CACNA2D3: variants seen among roughly 807,000 people sequenced by gnomAD.
The protein encoded by CACNA2D3 is calcium voltage-gated channel auxiliary subunit alpha2delta 3, also known as voltage-dependent calcium channel subunit alpha-2/delta-3.
In CACNA2D3, 60 loss-of-function variants were observed where a neutral mutation model predicts 160.6. The observed-to-expected ratio is 0.37, with a 90% CI of 0.30 to 0.46. The LOEUF (loss-of-function observed/expected upper bound fraction) is 0.46, where lower values mean the gene tolerates loss of function less well. CACNA2D3 is among the 20% of genes least tolerant of loss of function. The pLI, the probability that CACNA2D3 is intolerant of heterozygous loss-of-function variation, is 1.00. For synonymous variants in CACNA2D3, 558 were observed against 492.9 expected (o/e 1.13, Z -1.75); for missense variants, 1,205 against 1,365.0 (o/e 0.88, Z 1.85).
chr3:54,246,164 A>G (rs1303878424), intron 2 of CACNA2D3, among the ~76,000 whole-genome samples: 2 of 152,226 alleles, frequency 1.3e-5, no homozygotes, highest in Non-Finnish European at 2.9e-5. Flanking sequence ...AAATGGCTCG[A>G]AGGAAAAATA....
At chr3:54,470,061 A>G (rs1700702416) in intron 4 of CACNA2D3, among the ~76,000 whole-genome samples, 1 of 152,190 alleles carries the variant, frequency 6.6e-6, no homozygotes, top group Non-Finnish European at 1.5e-5. Context: ...CTAACATTCA[A>G]ATTTAGGAAA....
chr3:54,798,959 C>A (rs1360571618), intron 13 of CACNA2D3, among the ~76,000 whole-genome samples: 1 of 152,158 alleles, frequency 6.6e-6, no homozygotes, highest in African/African-American at 2.4e-5. Context: ...GTTATTGACT[C>A]CTTCTTTAAA....
chr3:54,661,232 G>A (rs755834846), intron 11 of CACNA2D3, among the ~76,000 whole-genome samples: 2 of 152,140 alleles, frequency 1.3e-5, no homozygotes, highest in Non-Finnish European at 2.9e-5. Context: ...CTAGGTCAAA[G>A]CCTGAATTTT....
At chr3:54,204,309 A>G (rs924520816) in intron 2 of CACNA2D3, among the ~76,000 whole-genome samples, 2 of 152,114 alleles carry the variant, frequency 1.3e-5, no homozygotes, top group African/African-American at 4.8e-5. Flanking sequence ...ATGTATGGAA[A>G]TATATGTGTG....
At chr3:54,229,885 T>C (rs139924523) in intron 2 of CACNA2D3, among the ~76,000 whole-genome samples, 1 of 152,286 alleles carries the variant, frequency 6.6e-6, no homozygotes, top group East Asian at 1.9e-4. Context: ...TTTGGACACC[T>C]GCAGGTTACA....
chr3:55,034,335 A>G (rs1474167778), intron 35 of CACNA2D3, among the ~76,000 whole-genome samples: 2 of 151,802 alleles, frequency 1.3e-5, no homozygotes, highest in East Asian at 3.9e-4. Flanking sequence ...GGTTATTTAT[A>G]TTTCCATCTC....
rs774491527 is a variant in CACNA2D3, at chr3:54,412,610, C to CTTTTTTTTTTTTTTT, written c.381+25847_381+25848insTTTTTTTTTTTTTTT. Among the ~76,000 whole-genome samples, 156 of 120,558 alleles carry CTTTTTTTTTTTTTTT rather than the reference C, an allele frequency of 1.3e-3. 9 individuals are homozygous for CTTTTTTTTTTTTTTT. The East Asian group carries it at 0.021, about 16-fold the overall frequency. The allele number at this position is 120,558 out of a possible 152,430, so 79.1% of individuals were successfully genotyped here. Reference sequence around the variant, plus strand: ...ACCTGTCTGTAATTCTGGTCTTGTTCTTTTTTTTTTTAGTCTGACAACCTC... The same window carrying CTTTTTTTTTTTTTTT: ...ACCTGTCTGTAATTCTGGTCTTGTTCTTTTTTTTTTTTTTTTTTTTTTTTTTAGTCTGACAACCTC... On this transcript the variant is annotated intron_variant, in intron 4 of 37. Coordinates refer to ENST00000474759, the MANE Select transcript of CACNA2D3 (RefSeq NM_018398.3).
intron 13 of CACNA2D3, among the ~76,000 whole-genome samples, chr3:54,800,350 G>T (rs1243460971): frequency 6.6e-6 from 1 of 152,090 alleles, no homozygotes; most frequent in Non-Finnish European, 1.5e-5. Flanking sequence ...TTTCCATCTG[G>T]TTCTACCAGT....
At chr3:54,895,510 T>G (rs1391445973) in intron 25 of CACNA2D3, among the ~76,000 whole-genome samples, 1 of 152,216 alleles carries the variant, frequency 6.6e-6, no homozygotes, top group South Asian at 2.1e-4. Context: ...AGACACACCC[T>G]GCAACTACTG....
At chr3:54,231,661 A>G (rs1701771582) in intron 2 of CACNA2D3, among the ~76,000 whole-genome samples, 1 of 152,194 alleles carries the variant, frequency 6.6e-6, no homozygotes, top group African/African-American at 2.4e-5. Context: ...GTTCACCCAT[A>G]TATTTCTAGT....
At chr3:54,148,246 G>A (rs1700074089) in intron 2 of CACNA2D3, among the ~76,000 whole-genome samples, 1 of 152,224 alleles carries the variant, frequency 6.6e-6, no homozygotes, top group African/African-American at 2.4e-5. Context: ...CCAAGCTGAG[G>A]TCCCTCCCTT....
At chr3:54,728,787 A>G (rs1049734546) in intron 11 of CACNA2D3, among the ~76,000 whole-genome samples, 2 of 152,230 alleles carry the variant, frequency 1.3e-5, no homozygotes, top group African/African-American at 4.8e-5. Flanking sequence ...GTTTCAGCTG[A>G]AAGCTTGTAG....
chr3:54,129,121 T>C (rs1699655248), intron 2 of CACNA2D3, among the ~76,000 whole-genome samples: 1 of 151,906 alleles, frequency 6.6e-6, no homozygotes, highest in Non-Finnish European at 1.5e-5. Flanking sequence ...AAATATTTAG[T>C]GACCAACAGA....
At chr3:54,193,724 C>T (rs1423829743) in intron 2 of CACNA2D3, among the ~76,000 whole-genome samples, 1 of 152,214 alleles carries the variant, frequency 6.6e-6, no homozygotes, top group African/African-American at 2.4e-5. Flanking sequence ...GAGTTTGTTG[C>T]AGGAAGAATA....
At chr3:54,559,780 T>TCTC (rs1475717172) in intron 5 of CACNA2D3, among the ~76,000 whole-genome samples, 5 of 152,196 alleles carry the variant, frequency 3.3e-5, no homozygotes, top group Non-Finnish European at 5.9e-5. Context: ...TGTGTGTTGT[T>TCTC]CTCCTCTATG....
At chr3:54,575,329 CAT>C (rs1702562873) in intron 8 of CACNA2D3, among the ~76,000 whole-genome samples, 1 of 152,154 alleles carries the variant, frequency 6.6e-6, no homozygotes, top group Non-Finnish European at 1.5e-5. Flanking sequence ...TTCTTTAAAA[CAT>C]AGCCACTTAC....
At chr3:54,871,192 C>G (rs1035891454) in intron 17 of CACNA2D3, among the ~76,000 whole-genome samples, 2 of 85,746 alleles carry the variant, frequency 2.3e-5, no homozygotes, top group Admixed American at 1.3e-4. Context: ...GACACACACA[C>G]ACACACACAC....
intron 33 of CACNA2D3, among the ~76,000 whole-genome samples, chr3:55,008,949 G>T (rs917633834): frequency 5.7e-5 from 8 of 139,720 alleles, no homozygotes; most frequent in Non-Finnish European, 1.1e-4. Context: ...AGTTCAAGTC[G>T]CAGTATTCAT....
At chr3:54,565,426 G>A (rs1050944854) in intron 6 of CACNA2D3, among the ~76,000 whole-genome samples, 2 of 152,174 alleles carry the variant, frequency 1.3e-5, no homozygotes, top group African/African-American at 2.4e-5. Flanking sequence ...TTGGCGTGAT[G>A]ATGATGTCCA....
Sources: gnomAD v4.1 joint callset for allele counts (sites outside exome capture counted in the v4.1 genomes callset) on GRCh38, gnomAD v4.1.1 for gene constraint, MANE v1.5 for transcripts, NCBI Gene and HGNC (gene_info 2026-07-23, HGNC 2026-07-21) for gene names.